STXBP3: variants seen among roughly 807,000 people sequenced by gnomAD.
STXBP3 encodes syntaxin-binding protein 3.
A neutral mutation model predicts 85.7 loss-of-function variants in STXBP3; 41 were observed. The observed-to-expected ratio is 0.48, with a 90% CI of 0.37 to 0.62. The LOEUF is 0.62. Ranked by LOEUF, STXBP3 falls within the 20% of genes least tolerant of loss-of-function variation. The pLI is 0.00. For synonymous variants in STXBP3, 229 were observed against 231.7 expected, an observed-to-expected ratio of 0.99 and a Z score of 0.10; for missense variants, 563 against 703.1, an observed-to-expected ratio of 0.80 and a Z score of 2.25.
chr1:108,776,450 T>G, intron 8 of STXBP3, 27 bp downstream of exon 8: 1 of 1,514,308 alleles, frequency 6.6e-7, no homozygotes, highest in Non-Finnish European at 9.0e-7. Context: ...AAGTAATGAC[T>G]ATGCATAAAG....
At chr1:108,760,147 G>A (rs1662106612) in intron 6 of STXBP3, 62 bp downstream of exon 6, 2 of 887,262 alleles carry the variant, frequency 2.3e-6, no homozygotes, top group Non-Finnish European at 3.5e-6. Context: ...ATGGCTTATT[G>A]TTAATAAAGT....
At position 108,757,002 on chromosome 1, in the gene STXBP3, T is replaced by C. The variant is rs1212540738; in HGVS notation, c.258+236T>C. Reference sequence around the variant, plus strand: ...TATATGAAAGCAGAATTAAATTGTATAAAATAACATTTCTTTGCATGTTTT... The same window carrying C: ...TATATGAAAGCAGAATTAAATTGTACAAAATAACATTTCTTTGCATGTTTT... On this transcript the variant is annotated intron_variant, in intron 4 of 18. Coordinates refer to ENST00000370008, the MANE Select transcript of STXBP3 (RefSeq NM_007269.4). 4.2e-5 allele frequency: 12 copies of C among 288,934 alleles called. No homozygotes were observed. In the East Asian group the frequency reaches 7.4e-4, roughly 18 times the overall value. 17.9% of individuals were successfully genotyped at this position (288,934 alleles called of 1,614,324 possible).
At chr1:108,794,981 T>G in intron 13 of STXBP3, 74 bp downstream of exon 13, 1 of 1,346,072 alleles carries the variant, frequency 7.4e-7, no homozygotes, top group Non-Finnish European at 1.0e-6. Context: ...AAACCTAACT[T>G]TTTGCTTGAT....
intron 8 of STXBP3, among the ~76,000 whole-genome samples, chr1:108,777,264 G>A (rs555115766): frequency 3.3e-5 from 5 of 152,164 alleles, no homozygotes; most frequent in South Asian, 2.1e-4. Flanking sequence ...ATATAGTCCC[G>A]GGCTTATCTT....
At chr1:108,772,134 T>TATCTATCTATATATCATATATAAATACA (rs1557806282) in intron 6 of STXBP3, among the ~76,000 whole-genome samples, 2 of 36,410 alleles carry the variant, frequency 5.5e-5, no homozygotes, top group Non-Finnish European at 1.5e-4. Flanking sequence ...TAAATACATA[T>TATCTATCTATATATCATATATAAATACA]GATATCTATC....
chr1:108,755,535 TTGATAGA>T (rs1345484006), intron 3 of STXBP3, among the ~76,000 whole-genome samples: 2 of 152,154 alleles, frequency 1.3e-5, no homozygotes, highest in African/African-American at 4.8e-5. Flanking sequence ...TTTTAGTTGT[TTGATAGA>T]TGTGTATTTT....
intron 17 of STXBP3, among the ~76,000 whole-genome samples, chr1:108,802,582 G>A (rs570584430): frequency 6.6e-6 from 1 of 152,270 alleles, no homozygotes; most frequent in South Asian, 2.1e-4. Flanking sequence ...GTGAGGGTTA[G>A]ATGCAGCCCA....
chr1:108,808,782 G>C lies in STXBP3; in HGVS notation c.1685-1G>C. ...TGAAAAATTCTCTTTTCTCCTACCA[G>C]GTTCTACACATGTTTTAACACCCAA... On this transcript the variant is annotated splice_acceptor_variant, in intron 18 of 18. Coordinates refer to ENST00000370008, the MANE Select transcript of STXBP3 (RefSeq NM_007269.4). LOFTEE classifies it high-confidence loss of function. The C allele has an allele frequency of 6.2e-7, 1 of 1,610,594 alleles. No homozygotes were observed. The highest frequency in any genetic ancestry group is 8.5e-7 in the Non-Finnish European group (1 of 1,178,462).
chr1:108,800,751 A>C (rs1308230427), intron 17 of STXBP3, among the ~76,000 whole-genome samples: 1 of 152,104 alleles, frequency 6.6e-6, no homozygotes, highest in South Asian at 2.1e-4. Flanking sequence ...TATTGCCTGT[A>C]TGTCTTTATA....
chr1:108,772,799 T>C lies in STXBP3; in HGVS notation c.573T>C (p.Asn191=), dbSNP rs1401917085. The part of the protein sequence containing the change: ...IVTVCATLDE[N]PGVRYKSKPL... ...CAGTGTGTGCCACCTTGGATGAAAA[T>C]CCCGGAGTAAGATATAAAAGGTAAG... The change falls in exon 7 of 19, where the codon AAT becomes AAC. Residue 191 remains asparagine, a synonymous_variant. Transcript: ENST00000370008. 3 of 1,596,890 alleles carry C rather than the reference T, an allele frequency of 1.9e-6. No individual in the cohort carries two copies. The highest frequency in any genetic ancestry group is 2.6e-6 in the Non-Finnish European group (3 of 1,170,876).
At position 108,776,557 on chromosome 1, in the gene STXBP3, A is replaced by C. The variant is rs1020412552; in HGVS notation, c.684+134A>C. ...CATAGATCTCCAATACTGATTTGAGAATCATTAACATACACAATCGTGCAA... is the reference window on the plus strand; with the variant it reads ...CATAGATCTCCAATACTGATTTGAGCATCATTAACATACACAATCGTGCAA... On this transcript the variant is annotated intron_variant, in intron 8 of 18. Transcript: ENST00000370008. The C allele has an allele frequency of 2.0e-5, 11 of 548,590 alleles. No homozygotes were observed. The East Asian group carries it at 2.5e-4, about 12-fold the overall frequency. The allele number at this position is 548,590 out of a possible 1,614,324, so 34.0% of individuals were successfully genotyped here.
At chr1:108,787,553 T>G (rs1158320775) in intron 11 of STXBP3, among the ~76,000 whole-genome samples, 3 of 152,166 alleles carry the variant, frequency 2.0e-5, no homozygotes, top group Non-Finnish European at 4.4e-5. Context: ...TTAAAATTTT[T>G]TTTTTTTAGT....
Position 108,795,471 on chromosome 1 carries a change from T to C in STXBP3, c.1110+564T>C, listed in dbSNP as rs530487754. ...TGATCCCAGGAGTTTGAGGGCAGCC[T>C]GGGCAAGACCCTGTCTCTTTAAAAA... On this transcript the variant is annotated intron_variant, in intron 13 of 18. Transcript: ENST00000370008. Among the ~76,000 whole-genome samples the C allele has an allele frequency of 1.3e-4, 19 of 150,562 alleles. 1 individual carries two copies. In the Middle Eastern group the frequency reaches 0.021, roughly 163 times the overall value.
intron 6 of STXBP3, among the ~76,000 whole-genome samples, chr1:108,765,110 T>G (rs1252955620): frequency 2.0e-5 from 3 of 152,224 alleles, no homozygotes; most frequent in African/African-American, 7.2e-5. Flanking sequence ...TGGCCAGTTA[T>G]CCCAGCACCA....
chr1:108,752,122 G>A (rs913464255), intron 1 of STXBP3, 135 bp from the exon 2 acceptor site: 2 of 735,570 alleles, frequency 2.7e-6, no homozygotes, highest in Non-Finnish European at 4.4e-6. Context: ...TTTCCGTAAG[G>A]TTTAACAAAT....
intron 11 of STXBP3, among the ~76,000 whole-genome samples, chr1:108,785,488 T>A (rs1413148494): frequency 1.3e-5 from 2 of 151,992 alleles, no homozygotes; most frequent in East Asian, 3.9e-4. Context: ...ACGAAACCAT[T>A]TTTTCCTCCT....
intron 4 of STXBP3, among the ~76,000 whole-genome samples, chr1:108,757,634 T>G (rs901910283): frequency 3.3e-5 from 5 of 152,012 alleles, no homozygotes; most frequent in African/African-American, 1.2e-4. Flanking sequence ...CTATTCTGGT[T>G]ATCAGTGGAT....
At chr1:108,759,955 A>G in intron 5 of STXBP3, 30 bp from the exon 6 acceptor site, 2 of 1,318,562 alleles carry the variant, frequency 1.5e-6, no homozygotes, top group Non-Finnish European at 2.1e-6. Context: ...TCTAGATGTA[A>G]CTATATGCTT....
chr1:108,808,431 TA>T (rs1168312948), intron 18 of STXBP3, among the ~76,000 whole-genome samples: 1 of 152,256 alleles, frequency 6.6e-6, no homozygotes, highest in Non-Finnish European at 1.5e-5. Context: ...ATCTGTGTGT[TA>T]AGCCTTGACC....
Sources: allele counts gnomAD v4.1 joint callset (sites outside exome capture counted in the v4.1 genomes callset), GRCh38; gene constraint gnomAD v4.1.1; transcripts MANE v1.5; gene names NCBI Gene and HGNC (gene_info 2026-07-23, HGNC 2026-07-21).